The following ASIC2 variants were observed in gnomAD, a reference collection of about 807,000 sequenced individuals.
ASIC2 encodes the protein acid-sensing ion channel 2.
ASIC2 carries 25 observed loss-of-function variants against 57.3 expected under a neutral mutation model. That is an observed-to-expected ratio of 0.44 (90% CI 0.32 to 0.61). The LOEUF (loss-of-function observed/expected upper bound fraction) is 0.61, where lower values mean the gene tolerates loss of function less well. Ranked by LOEUF, ASIC2 falls within the 20% of genes least tolerant of loss-of-function variation. The pLI is 0.06. For missense variants in ASIC2, 641 were observed against 738.1 expected (o/e 0.87, Z 1.52); for synonymous variants, 319 against 307.5 (o/e 1.04, Z -0.39).
chr17:33,798,567 G>A (rs1291344248), intron 1 of ASIC2, among the ~76,000 whole-genome samples: 2 of 152,208 alleles, frequency 1.3e-5, no homozygotes, highest in East Asian at 3.8e-4. Context: ...TCTCAGGCTG[G>A]CATCTTGATG....
intron 1 of ASIC2, among the ~76,000 whole-genome samples, chr17:33,197,679 T>A (rs1399300338): frequency 6.6e-6 from 1 of 152,190 alleles, no homozygotes; most frequent in African/African-American, 2.4e-5. Flanking sequence ...TCCATGTGCA[T>A]GCACAAAAAC....
chr17:33,581,647 G>C (rs1260052616), intron 1 of ASIC2, among the ~76,000 whole-genome samples: 3 of 152,126 alleles, frequency 2.0e-5, no homozygotes, highest in African/African-American at 7.2e-5. Context: ...AAGTTTTCTG[G>C]GTTTTAAGTT....
chr17:33,756,457 A>G (rs1380110214), intron 1 of ASIC2, among the ~76,000 whole-genome samples: 1 of 152,242 alleles, frequency 6.6e-6, no homozygotes, highest in Non-Finnish European at 1.5e-5. Context: ...CCTGTTTCAG[A>G]TGTCAGAGCT....
intron 1 of ASIC2, among the ~76,000 whole-genome samples, chr17:33,863,703 T>G (rs1038502487): frequency 1.3e-5 from 2 of 152,222 alleles, no homozygotes; most frequent in Admixed American, 1.3e-4. Flanking sequence ...TCAGTCCATC[T>G]GGTATTGTCT....
chr17:33,510,737 C>T (rs1488414553), intron 1 of ASIC2, among the ~76,000 whole-genome samples: 1 of 152,222 alleles, frequency 6.6e-6, no homozygotes, highest in African/African-American at 2.4e-5. Flanking sequence ...TTCCTTTGGA[C>T]TGGTGGCCAC....
chr17:33,579,218 A>C (rs890582205), intron 1 of ASIC2, among the ~76,000 whole-genome samples: 2 of 149,478 alleles, frequency 1.3e-5, no homozygotes, highest in Admixed American at 6.7e-5. Context: ...CCCGGGAGGC[A>C]GAGGTTGCAG....
chr17:33,710,242 A>C (rs982571716), intron 1 of ASIC2, among the ~76,000 whole-genome samples: 1 of 152,232 alleles, frequency 6.6e-6, no homozygotes, highest in Non-Finnish European at 1.5e-5. Flanking sequence ...TTCCCACCAC[A>C]GGTAAAGAAG....
intron 1 of ASIC2, among the ~76,000 whole-genome samples, chr17:33,491,445 A>G (rs950057734): frequency 6.6e-6 from 1 of 152,146 alleles, no homozygotes; most frequent in African/African-American, 2.4e-5. Context: ...CTTTCCATAC[A>G]TTGGCTTCTG....
At chr17:33,163,708 G>C (rs930651359) in intron 1 of ASIC2, among the ~76,000 whole-genome samples, 2 of 152,016 alleles carry the variant, frequency 1.3e-5, no homozygotes, top group African/African-American at 2.4e-5. Context: ...ATCCTAGCGA[G>C]GTAGACAACC....
In ASIC2 at chr17:33,765,892, A is replaced by G. The variant is rs532770091; in HGVS notation, c.555+390086T>C. 9.8e-5 allele frequency among the ~76,000 whole-genome samples: 15 copies of G among 152,310 alleles called. 1 individual carries two copies. In the South Asian group the frequency reaches 2.3e-3, roughly 23 times the overall value. ...GCACAGCCCCAGATGTGGGCAATGT[A>G]TTCCCCATGCAGTATCTTATGACCT... On this transcript the variant is annotated intron_variant, in intron 1 of 9. Coordinates refer to the ASIC2 transcript ENST00000359872.
intron 1 of ASIC2, among the ~76,000 whole-genome samples, chr17:33,213,343 G>C (rs1337158690): frequency 6.6e-6 from 1 of 152,230 alleles, no homozygotes; most frequent in Non-Finnish European, 1.5e-5. Context: ...CTGAAGATGA[G>C]CTTGCAGGAA....
At chr17:33,398,150 C>G (rs1446332778) in intron 1 of ASIC2, among the ~76,000 whole-genome samples, 1 of 152,180 alleles carries the variant, frequency 6.6e-6, no homozygotes, top group Non-Finnish European at 1.5e-5. Context: ...ATATAGTTTA[C>G]TTATATACTG....
At chr17:33,284,070 A>G (rs1905059148) in intron 1 of ASIC2, among the ~76,000 whole-genome samples, 1 of 152,222 alleles carries the variant, frequency 6.6e-6, no homozygotes, top group African/African-American at 2.4e-5. Context: ...AGTGTCTGGC[A>G]GAAAGAAGGA....
chr17:33,112,143 C>A (rs1448191007), intron 1 of ASIC2, 76 bp from the exon 2 acceptor site: 3 of 1,475,416 alleles, frequency 2.0e-6, no homozygotes, highest in Middle Eastern at 3.6e-4. Flanking sequence ...GGCGAGACCC[C>A]AGAAATCTGA....
chr17:33,206,254 G>T (rs763948893), intron 1 of ASIC2, among the ~76,000 whole-genome samples: 3 of 152,194 alleles, frequency 2.0e-5, no homozygotes, highest in African/African-American at 4.8e-5. Context: ...TGGTGATGAG[G>T]TCGAAGGAGC....
intron 1 of ASIC2, among the ~76,000 whole-genome samples, chr17:33,657,013 G>C (rs1907096961): frequency 6.6e-6 from 1 of 152,202 alleles, no homozygotes; most frequent in African/African-American, 2.4e-5. Context: ...GACCATGCTG[G>C]AACAATGAGG....
intron 1 of ASIC2, among the ~76,000 whole-genome samples, chr17:33,571,563 G>A (rs1359377837): frequency 6.6e-6 from 1 of 152,196 alleles, no homozygotes; most frequent in Non-Finnish European, 1.5e-5. Flanking sequence ...CCAGAAACAT[G>A]TTATTTAGGA....
At chr17:33,970,981 C>A (rs1905213564) in intron 1 of ASIC2, among the ~76,000 whole-genome samples, 1 of 152,176 alleles carries the variant, frequency 6.6e-6, no homozygotes, top group Non-Finnish European at 1.5e-5. Flanking sequence ...TACCTATCAT[C>A]CATCAAATCT....
At position 33,793,346 on chromosome 17, in the gene ASIC2, CT is replaced by C. The variant is rs1190301145; in HGVS notation, c.555+362631del. 6 of 152,362 alleles carry C rather than the reference CT, an allele frequency of 3.9e-5. No homozygotes were observed. In the East Asian group the frequency reaches 7.7e-4, roughly 20 times the overall value. The allele number at this position is 152,362 out of a possible 1,614,324, so 9.4% of individuals were successfully genotyped here. Reference sequence around the variant, plus strand: ...CTTATCCTCACAATAATGCAATGAGCTGCAGATACTAGCACTGCTGCTGCTG... The same window carrying C: ...CTTATCCTCACAATAATGCAATGAGCGCAGATACTAGCACTGCTGCTGCTG... On this transcript the variant is annotated intron_variant, in intron 1 of 9. Transcript: ENST00000359872.
Sources: allele counts gnomAD v4.1 joint callset (sites outside exome capture counted in the v4.1 genomes callset), GRCh38; gene constraint gnomAD v4.1.1; transcripts MANE v1.5; gene names NCBI Gene and HGNC (gene_info 2026-07-23, HGNC 2026-07-21).